Variants in VPS37A observed in about 807,000 individuals in gnomAD.
VPS37A encodes VPS37A subunit of ESCRT-I.
VPS37A carries 30 observed loss-of-function variants against 49.8 expected under a neutral mutation model. The ratio of observed to expected loss-of-function variants is 0.60; its 90% CI spans 0.45 to 0.82. VPS37A has a LOEUF of 0.82. Ranked by LOEUF, VPS37A falls within the 40% of genes least tolerant of loss-of-function variation. VPS37A has a pLI of 0.00. For missense variants in VPS37A, 593 were observed against 464.4 expected (o/e 1.28, Z -2.55); for synonymous variants, 195 against 160.6 (o/e 1.21, Z -1.62).
chr8:17,254,094 G>T (rs1174686456), intron 1 of VPS37A, among the ~76,000 whole-genome samples: 5 of 152,008 alleles, frequency 3.3e-5, no homozygotes, highest in Non-Finnish European at 7.4e-5. Flanking sequence ...GTTGAATTTG[G>T]TGCACAGTTT....
At chr8:17,262,507 G>A (rs1299953239) in intron 1 of VPS37A, among the ~76,000 whole-genome samples, 1 of 151,948 alleles carries the variant, frequency 6.6e-6, no homozygotes. Context: ...ACTAGAAAAT[G>A]AAATTATTAA....
rs1237050058 is a variant in VPS37A, at chr8:17,296,246, T to G, written c.*1260T>G. Reference sequence around the variant, plus strand: ...ATTAAAACATGCTTAATATTTAGTCTGTTTGTGGAGGGCAGGTATTCACGT... The same window carrying G: ...ATTAAAACATGCTTAATATTTAGTCGGTTTGTGGAGGGCAGGTATTCACGT... On this transcript the variant is annotated 3_prime_UTR_variant, in exon 12 of 12. Transcript: ENST00000324849. 3 of 152,168 alleles carry G rather than the reference T, an allele frequency of 2.0e-5. No individual in the cohort carries two copies. Among genetic ancestry groups the G allele is most frequent in the African/African-American group, 4.8e-5 (2 of 41,432 alleles). 9.4% of individuals were successfully genotyped at this position (152,168 alleles called of 1,614,324 possible).
the VPS37A span, among the ~76,000 whole-genome samples, chr8:17,315,385 A>G: frequency 6.9e-6 from 1 of 145,122 alleles, no homozygotes; most frequent in Non-Finnish European, 1.5e-5. Context: ...TTAGGGCAGA[A>G]AACTACGACA....
At chr8:17,287,425 A>G (rs1159441494) in intron 11 of VPS37A, among the ~76,000 whole-genome samples, 2 of 152,138 alleles carry the variant, frequency 1.3e-5, no homozygotes, top group Non-Finnish European at 2.9e-5. Flanking sequence ...CTGTAATCCC[A>G]GCACTTTGGG....
the VPS37A span, among the ~76,000 whole-genome samples, chr8:17,309,949 A>T: frequency 2.0e-5 from 3 of 152,152 alleles, no homozygotes; most frequent in Non-Finnish European, 4.4e-5. Context: ...GAGGCAGTCC[A>T]GATTATTATT....
chr8:17,275,261 T>G (rs1420458208), intron 5 of VPS37A, among the ~76,000 whole-genome samples: 1 of 152,170 alleles, frequency 6.6e-6, no homozygotes, highest in African/African-American at 2.4e-5. Flanking sequence ...GATTCTGGTT[T>G]TTTTCACCAC....
Position 17,268,482 on chromosome 8 carries a change from C to A in VPS37A, c.315+110C>A. Reference sequence around the variant, plus strand: ...TTAAAGTTTCATTTTGTCATGAGTACTTTTTTTAAAAATTGAATATTTAAG... The same window carrying A: ...TTAAAGTTTCATTTTGTCATGAGTAATTTTTTTAAAAATTGAATATTTAAG... On this transcript the variant is annotated intron_variant, in intron 3 of 11. Transcript: ENST00000324849. 6 of 806,966 alleles carry A rather than the reference C, an allele frequency of 7.4e-6. No homozygotes were observed. In the South Asian group the frequency reaches 8.5e-5, roughly 11 times the overall value. The allele number at this position is 806,966 out of a possible 1,614,324, so 50.0% of individuals were successfully genotyped here.
the VPS37A span, among the ~76,000 whole-genome samples, chr8:17,316,200 G>A: frequency 4.1e-4 from 63 of 151,900 alleles, no homozygotes; most frequent in African/African-American, 1.4e-3. Flanking sequence ...GGTAATAATA[G>A]CCTCTGTATC....
rs77199164 is a variant in VPS37A at position 17,253,693 on chromosome 8, T to C, written c.125+6324T>C. On this transcript the variant is annotated intron_variant, in intron 1 of 11. Transcript: ENST00000324849. The stretch of plus-strand genomic sequence containing the variant: ...TTTTTCCAGAAGACCCCACTGCCGC[T>C]AGGTTAGGTGCTTTCTTCTGTGTTT... Among the ~76,000 whole-genome samples, 744 of 152,328 alleles carry C rather than the reference T, an allele frequency of 4.9e-3. 9 individuals are homozygous for C. Among genetic ancestry groups the C allele is most frequent in the African/African-American group, 0.017 (702 of 41,574 alleles).
Position 17,297,830 on chromosome 8 carries a change from C to G in VPS37A, c.*2844C>G, listed in dbSNP as rs1391247954. ...AATAAATGTAACCTTTTATATAAAT[C>G]TCAGTGCTAGGTTAACTTCTAATAA... On this transcript the variant is annotated 3_prime_UTR_variant, in exon 12 of 12. Transcript: ENST00000324849. The G allele has an allele frequency of 6.7e-6, 1 of 148,276 alleles. No homozygotes were observed. Among genetic ancestry groups the G allele is most frequent in the Non-Finnish European group, 1.5e-5 (1 of 67,290 alleles). The allele number at this position is 148,276 out of a possible 1,614,324, so 9.2% of individuals were successfully genotyped here.
downstream of VPS37A, among the ~76,000 whole-genome samples, chr8:17,306,608 T>C (rs899604508): frequency 6.6e-6 from 1 of 150,484 alleles, no homozygotes; most frequent in Non-Finnish European, 1.5e-5. Context: ...CACTACTGTG[T>C]GAGTTTTACA....
rs887660973 is a variant in VPS37A at position 17,247,445 on chromosome 8, G to A, written c.125+76G>A. On this transcript the variant is annotated intron_variant, in intron 1 of 11. Transcript: ENST00000324849. Reference sequence around the variant, plus strand: ...GGCTTGTCCTAACCACCCTCACAGCGCCTCAGTCTGCTCCCCACCAGCTCC... The same window carrying A: ...GGCTTGTCCTAACCACCCTCACAGCACCTCAGTCTGCTCCCCACCAGCTCC... 4 of 1,504,486 alleles carry A rather than the reference G, an allele frequency of 2.7e-6. No homozygotes were observed. In the Admixed American group the frequency reaches 6.1e-5, roughly 23 times the overall value. 93.2% of individuals were successfully genotyped at this position (1,504,486 alleles called of 1,614,324 possible). A position where few individuals can be genotyped will look rare whatever the true frequency, so the allele number is the denominator to read the frequency against.
the VPS37A span, among the ~76,000 whole-genome samples, chr8:17,314,119 G>C: frequency 6.6e-6 from 1 of 152,088 alleles, no homozygotes; most frequent in Non-Finnish European, 1.5e-5. Flanking sequence ...TTCACCTCAG[G>C]AGCTTCTTTT....
At chr8:17,268,142 C>G (rs1326865713) in intron 2 of VPS37A, 116 bp from the exon 3 acceptor site, 3 of 647,592 alleles carry the variant, frequency 4.6e-6, no homozygotes, top group African/African-American at 3.6e-5. Context: ...CTAAATGACC[C>G]ATATCAAAGT....
intron 11 of VPS37A, among the ~76,000 whole-genome samples, chr8:17,287,444 G>A (rs1463633594): frequency 6.6e-6 from 1 of 152,068 alleles, no homozygotes; most frequent in African/African-American, 2.4e-5. Context: ...GGAGGCCGAG[G>A]CGTGTGGATC....
At chr8:17,264,891 A>C (rs1308337377) in intron 1 of VPS37A, among the ~76,000 whole-genome samples, 1 of 152,200 alleles carries the variant, frequency 6.6e-6, no homozygotes, top group East Asian at 1.9e-4. Context: ...TTAGTGTATT[A>C]TAGTTGTAAT....
chr8:17,276,290 A>G, intron 5 of VPS37A, 107 bp from the exon 6 acceptor site: 1 of 807,228 alleles, frequency 1.2e-6, no homozygotes, highest in Non-Finnish European at 1.9e-6. Context: ...AAATATGATA[A>G]TGCAAACAGT....
intron 3 of VPS37A, 75 bp downstream of exon 3, chr8:17,268,447 T>C (rs1318310583): frequency 4.4e-6 from 5 of 1,138,200 alleles, no homozygotes; most frequent in Non-Finnish European, 6.2e-6. Flanking sequence ...TTTAGAAATC[T>C]GAAATGCATT....
At chr8:17,273,023 CTTTTTTTTTT>C (rs1166192119) in intron 4 of VPS37A, among the ~76,000 whole-genome samples, 4 of 43,828 alleles carry the variant, frequency 9.1e-5, no homozygotes, top group Non-Finnish European at 1.2e-4. Flanking sequence ...TTTGCCCTTC[CTTTTTTTTTT>C]TTTTTTTTTT....
Sources: allele counts gnomAD v4.1 joint callset (sites outside exome capture counted in the v4.1 genomes callset), GRCh38; gene constraint gnomAD v4.1.1; transcripts MANE v1.5; gene names NCBI Gene and HGNC (gene_info 2026-07-23, HGNC 2026-07-21).